Variants in TG observed in about 807,000 individuals in gnomAD.
TG encodes thyroid hormones.
Under a neutral mutation model 324.7 loss-of-function variants are expected in TG, and 270 were observed. The ratio of observed to expected loss-of-function variants is 0.83; its 90% CI spans 0.75 to 0.92. The LOEUF (loss-of-function observed/expected upper bound fraction) is 0.92. TG is among the 40% of genes least tolerant of loss of function. TG has a pLI of 0.00. For missense variants in TG, 3,591 were observed against 3,456.4 expected (o/e 1.04, Z -0.98); for synonymous variants, 1,401 against 1,327.0 (o/e 1.06, Z -1.21).
intron 35 of TG, among the ~76,000 whole-genome samples, chr8:133,008,536 A>T (rs1023179238): frequency 5.1e-4 from 77 of 152,246 alleles, no homozygotes; most frequent in Non-Finnish European, 2.2e-4. Flanking sequence ...ATTAATCAAT[A>T]AACCATAGAC....
chr8:133,015,288 A>G (rs775095875), intron 37 of TG, among the ~76,000 whole-genome samples: 4 of 152,192 alleles, frequency 2.6e-5, no homozygotes, highest in Non-Finnish European at 4.4e-5. Context: ...CTAAAATTCA[A>G]TGGGAAATGC....
intron 41 of TG, among the ~76,000 whole-genome samples, chr8:133,066,754 G>A (rs939541759): frequency 1.3e-5 from 2 of 152,170 alleles, no homozygotes; most frequent in Admixed American, 6.5e-5. Context: ...ACTAATTTGG[G>A]ATACAAGTAT....
Position 132,893,832 on chromosome 8 carries a change from G to C in TG, c.2904G>C (p.Glu968Asp). 10 of 1,614,034 alleles carry C rather than the reference G, an allele frequency of 6.2e-6. No individual in the cohort carries two copies. The highest frequency in any genetic ancestry group is 8.5e-6 in the Non-Finnish European group (10 of 1,179,938). ...CCAAGGGAATCCGGCTGAGGAATGA[G>C]GACCTCGGCCTTCCTCCGCTCTTCC... The part of the protein sequence containing the change: ...LVAKGIRLRN[E>D]DLGLPPLFPP... The change falls in exon 11 of 48, where the codon GAG becomes GAC. Residue 968 changes from glutamate (E) to aspartate (D), a missense_variant. Coordinates refer to ENST00000220616, the MANE Select transcript of TG (RefSeq NM_003235.5).
At chr8:132,949,824 G>A (rs1479243396) in intron 27 of TG, among the ~76,000 whole-genome samples, 1 of 152,170 alleles carries the variant, frequency 6.6e-6, no homozygotes, top group African/African-American at 2.4e-5. Flanking sequence ...TAGTGCCTGA[G>A]GCCCCCCAGC....
chr8:133,020,716 A>G (rs1003682002), intron 39 of TG, among the ~76,000 whole-genome samples: 3 of 152,184 alleles, frequency 2.0e-5, no homozygotes, highest in Non-Finnish European at 2.9e-5. Flanking sequence ...AGGCATTTCA[A>G]TGAGTGACTC....
chr8:133,010,223 C>T (rs1057331473), intron 35 of TG, among the ~76,000 whole-genome samples: 1 of 152,178 alleles, frequency 6.6e-6, no homozygotes, highest in African/African-American at 2.4e-5. Context: ...TGTCATATAA[C>T]TTCTCTGAGT....
intron 41 of TG, among the ~76,000 whole-genome samples, chr8:133,074,300 A>G (rs1489972650): frequency 6.6e-6 from 1 of 152,092 alleles, no homozygotes. Flanking sequence ...AAGTAGCGCT[A>G]TTGCAATCCC....
At chr8:132,927,964 A>G (rs1049516523) in intron 22 of TG, among the ~76,000 whole-genome samples, 12 of 152,218 alleles carry the variant, frequency 7.9e-5, no homozygotes, top group Admixed American at 7.9e-4. Flanking sequence ...AACTTCAGCA[A>G]TTAACATGGA....
Position 133,011,959 on chromosome 8 carries a change from T to G in TG, c.6321T>G (p.Ile2107Met). Residue 2107 changes from isoleucine (I) to methionine (M), a missense_variant, in exon 36 of 48, where the codon ATT (isoleucine) becomes ATG (methionine). By Grantham distance (10) the Ile-to-Met change is conservative. Coordinates refer to ENST00000220616, the MANE Select transcript of TG (RefSeq NM_003235.5). The stretch of plus-strand genomic sequence containing the variant: ...CTTCAGTGGTTGTTGATCCATCCAT[T>G]AGGCACTTTGATGTTGCCCATGTCA... ...ALSSVVVDPS[I>M]RHFDVAHVST... The G allele has an allele frequency of 6.2e-7, 1 of 1,614,180 alleles. No individual in the cohort carries two copies. The highest frequency in any genetic ancestry group is 8.5e-7 in the Non-Finnish European group (1 of 1,180,030).
At chr8:133,098,364 A>G (rs2702999) in intron 43 of TG, among the ~76,000 whole-genome samples, 33,954 of 152,252 alleles carry the variant, frequency 0.22, 4,298 homozygotes, top group South Asian at 0.3. Flanking sequence ...AGCAAGAGAA[A>G]GAAATGGAAG....
At chr8:133,103,983 C>T (rs13256826) in intron 43 of TG, among the ~76,000 whole-genome samples, 77,146 of 152,004 alleles carry the variant, frequency 0.51, 20,975 homozygotes, top group African/African-American at 0.69. Flanking sequence ...GCAGAGGAGG[C>T]GATGGAATGG....
chr8:133,049,748 G>C (rs142932877), intron 41 of TG: 3 of 639,596 alleles, frequency 4.7e-6, no homozygotes, highest in Admixed American at 4.9e-5. Flanking sequence ...GCCCAAGGTT[G>C]CTCCTTTCCT....
intron 35 of TG, 73 bp from the exon 36 acceptor site, chr8:133,011,828 G>A (rs1834533973): frequency 5.6e-6 from 9 of 1,605,966 alleles, no homozygotes; most frequent in Non-Finnish European, 7.7e-6. Flanking sequence ...TGGGGATATT[G>A]GGTAATACAC....
At chr8:132,942,359 A>G (rs1413617478) in intron 26 of TG, among the ~76,000 whole-genome samples, 1 of 152,246 alleles carries the variant, frequency 6.6e-6, no homozygotes, top group Non-Finnish European at 1.5e-5. Flanking sequence ...GAGAGTCTTA[A>G]CTGTTTTATA....
rs80171297 is a variant in TG at position 132,982,143 on chromosome 8, G to A, written c.6200-1207G>A. Among the ~76,000 whole-genome samples, 1,112 of 152,264 alleles carry A rather than the reference G, an allele frequency of 7.3e-3. 17 individuals carry two copies. The highest frequency in any genetic ancestry group is 0.026 in the African/African-American group (1,065 of 41,548). ...ACCAGTATCAGCTCATCTAAACCTC[G>A]CAACCCTATGAGAGGCACTGTTACT... On this transcript the variant is annotated intron_variant, in intron 34 of 47. Transcript: ENST00000220616.
intron 41 of TG, among the ~76,000 whole-genome samples, chr8:133,093,034 T>C (rs1847812193): frequency 6.6e-6 from 1 of 152,128 alleles, no homozygotes; most frequent in Non-Finnish European, 1.5e-5. Flanking sequence ...TCACATCTCC[T>C]CTCTGCCTGC....
chr8:132,989,015 AT>A, intron 35 of TG: 1 of 476,026 alleles, frequency 2.1e-6, no homozygotes, highest in Non-Finnish European at 2.7e-6. Context: ...CCTCACAATC[AT>A]GGCAGAAGGC....
At position 132,886,534 on chromosome 8, in the gene TG, C is replaced by T; in HGVS notation, c.1162C>T (p.Leu388=). 6.2e-7 allele frequency: 1 copy of T among 1,614,230 alleles called. No homozygotes were observed. Among genetic ancestry groups the T allele is most frequent in the South Asian group, 1.1e-5 (1 of 91,084 alleles). ...CTCAGGCTACTTCAGCCAGCACGAC[C>T]TGTTCTCTTCCCCAGAGAAAAGATG... ...GTSGYFSQHD[L]FSSPEKRWAS... The change falls in exon 9 of 48, where the codon CTG becomes TTG. Residue 388 remains leucine (L), a synonymous_variant. Transcript: ENST00000220616.
At chr8:132,915,345 TA>T (rs1820140907) in intron 20 of TG, among the ~76,000 whole-genome samples, 1 of 152,156 alleles carries the variant, frequency 6.6e-6, no homozygotes, top group Non-Finnish European at 1.5e-5. Flanking sequence ...AACACACAGG[TA>T]AAATAAAGGG....
Sources: gnomAD v4.1 joint callset for allele counts (sites outside exome capture counted in the v4.1 genomes callset) on GRCh38, gnomAD v4.1.1 for gene constraint, MANE v1.5 for transcripts, NCBI Gene and HGNC (gene_info 2026-07-23, HGNC 2026-07-21) for gene names.